SRGAP3: variants seen among roughly 807,000 people sequenced by gnomAD.
SRGAP3 encodes SLIT-ROBO Rho GTPase-activating protein 3.
In SRGAP3, 39 loss-of-function variants were observed where a neutral mutation model predicts 121.1. The observed-to-expected ratio is 0.32, with a 90% CI of 0.25 to 0.42. The LOEUF is 0.42. SRGAP3 is among the 10% of genes least tolerant of loss of function. SRGAP3 has a pLI of 1.00. For missense variants in SRGAP3, 1,213 were observed against 1,470.6 expected, an observed-to-expected ratio of 0.82 and a Z score of 2.86; for synonymous variants, 601 against 570.0, an observed-to-expected ratio of 1.05 and a Z score of -0.77.
intron 1 of SRGAP3, among the ~76,000 whole-genome samples, chr3:9,178,134 G>A (rs1444564214): frequency 1.3e-5 from 2 of 152,290 alleles, no homozygotes; most frequent in East Asian, 3.9e-4. Context: ...AGGGCATGGT[G>A]GCGCATGCCT....
intron 3 of SRGAP3, among the ~76,000 whole-genome samples, chr3:9,318,493 G>A (rs1955385126): frequency 6.6e-6 from 1 of 151,766 alleles, no homozygotes; most frequent in Non-Finnish European, 1.5e-5. Context: ...GCTAGTCTGA[G>A]GGGGACTCTC....
At chr3:9,113,505 T>G (rs555669913) in intron 2 of SRGAP3, among the ~76,000 whole-genome samples, 1 of 152,170 alleles carries the variant, frequency 6.6e-6, no homozygotes, top group African/African-American at 2.4e-5. Flanking sequence ...ATCTGATTAC[T>G]TCTATAAAGA....
chr3:9,303,944 C>G (rs547348516), intron 3 of SRGAP3, among the ~76,000 whole-genome samples: 1 of 152,210 alleles, frequency 6.6e-6, no homozygotes, highest in East Asian at 1.9e-4. Flanking sequence ...TTGAGTGAGA[C>G]TTGAGTAAGT....
chr3:9,043,027 C>T (rs1287115376), intron 10 of SRGAP3, among the ~76,000 whole-genome samples: 1 of 152,112 alleles, frequency 6.6e-6, no homozygotes, highest in East Asian at 1.9e-4. Flanking sequence ...AGCAACTCCC[C>T]TAGGAAGCCT....
intron 3 of SRGAP3, among the ~76,000 whole-genome samples, chr3:9,286,599 CGTT>C (rs973875982): frequency 3.3e-5 from 5 of 151,888 alleles, no homozygotes; most frequent in South Asian, 2.1e-4. Context: ...TTGTTTTTGT[CGTT>C]GTTGTTGTTG....
chr3:9,007,497 G>C (rs1943138440), intron 18 of SRGAP3: 1 of 152,162 alleles, frequency 6.6e-6, no homozygotes, highest in African/African-American at 2.4e-5. Flanking sequence ...GAGGAAACAG[G>C]TAAACAAATC....
At chr3:9,133,413 G>T (rs1949532342) in intron 1 of SRGAP3, among the ~76,000 whole-genome samples, 1 of 152,180 alleles carries the variant, frequency 6.6e-6, no homozygotes, top group Non-Finnish European at 1.5e-5. Flanking sequence ...GAATCTGGGA[G>T]GTGGAGGTTG....
intron 10 of SRGAP3, among the ~76,000 whole-genome samples, chr3:9,040,313 G>C (rs927902584): frequency 2.0e-5 from 3 of 152,146 alleles, no homozygotes; most frequent in African/African-American, 7.2e-5. Flanking sequence ...ACCCTTTGAG[G>C]TCAGAGTAGA....
Position 9,345,481 on chromosome 3 carries a change from C to CA in SRGAP3, n.215-14886dup, listed in dbSNP as rs539784490. Among the ~76,000 whole-genome samples, 676 of 142,718 alleles carry CA rather than the reference C, an allele frequency of 4.7e-3. 1 individual carries two copies. The highest frequency in any genetic ancestry group is 0.014 in the African/African-American group (537 of 38,820). 93.6% of individuals were successfully genotyped at this position (142,718 alleles called of 152,430 possible). ...TGGGTAACAGAGCAAGACCCCATCT[C>CA]AAAAAAAAAAGAAAAAAGAGGCCAG... is the stretch of plus-strand genomic sequence containing the variant. On this transcript the variant is annotated intron_variant and non_coding_transcript_variant, in intron 1 of 3. Coordinates refer to the SRGAP3 transcript ENST00000490889.
At chr3:9,118,838 G>T (rs1948900331) in intron 2 of SRGAP3, among the ~76,000 whole-genome samples, 1 of 152,138 alleles carries the variant, frequency 6.6e-6, no homozygotes, top group African/African-American at 2.4e-5. Flanking sequence ...TGTCCTTTCA[G>T]CAATACAGGA....
intron 1 of SRGAP3, among the ~76,000 whole-genome samples, chr3:9,358,073 C>T (rs2030614139): frequency 1.3e-5 from 2 of 152,102 alleles, no homozygotes; most frequent in Non-Finnish European, 1.5e-5. Context: ...CGGGCTTTCA[C>T]CATGTTGGCC....
In SRGAP3 at chr3:9,191,477, A is replaced by G. The variant is rs545279005; in HGVS notation, c.67+57408T>C. 8.3e-4 allele frequency among the ~76,000 whole-genome samples: 127 copies of G among 152,336 alleles called. 2 individuals carry two copies. The South Asian group carries it at 0.013, about 15-fold the overall frequency. ...TCCACAAATTACGGCACGCATTGAC[A>G]GTGCCTATGTACATGGGAAGGAGGA... On this transcript the variant is annotated intron_variant, in intron 1 of 21. Coordinates refer to ENST00000383836, the MANE Select transcript of SRGAP3 (RefSeq NM_014850.4).
At chr3:9,243,634 T>TAAAA (rs34944051) in intron 1 of SRGAP3, among the ~76,000 whole-genome samples, 13 of 137,166 alleles carry the variant, frequency 9.5e-5, no homozygotes, top group African/African-American at 3.2e-4. Context: ...GACTCTGTCT[T>TAAAA]AAAAAAAAAA....
chr3:9,169,672 A>G (rs986119), intron 1 of SRGAP3, among the ~76,000 whole-genome samples: 1 of 152,112 alleles, frequency 6.6e-6, no homozygotes, highest in East Asian at 1.9e-4. Flanking sequence ...CTTGGCATCA[A>G]TTAGGCCAAC....
At chr3:9,238,595 C>A (rs540528216) in intron 1 of SRGAP3, among the ~76,000 whole-genome samples, 2 of 152,142 alleles carry the variant, frequency 1.3e-5, no homozygotes, top group African/African-American at 2.4e-5. Context: ...AGAAAAAAAT[C>A]TGCACCCTGC....
intron 4 of SRGAP3, among the ~76,000 whole-genome samples, chr3:9,066,404 G>A (rs1176971836): frequency 6.6e-6 from 1 of 152,226 alleles, no homozygotes; most frequent in African/African-American, 2.4e-5. Context: ...CTGTAAGTCA[G>A]AGAACTCAGA....
Position 9,045,306 on chromosome 3 carries a change from G to A in SRGAP3, c.1408+2085C>T, listed in dbSNP as rs565669321. On this transcript the variant is annotated intron_variant, in intron 10 of 21. Transcript: ENST00000383836. ...CCAGCTTACTGAAACACAGGATTAC[G>A]GAGACTCTTCCAGTTGGCTTTTTCT... is the stretch of plus-strand genomic sequence containing the variant. Among the ~76,000 whole-genome samples, 31 of 152,076 alleles carry A rather than the reference G, an allele frequency of 2.0e-4. 1 individual carries two copies. The highest frequency in any genetic ancestry group is 1.8e-3 in the Admixed American group (28 of 15,288).
At chr3:9,336,279 T>G (rs1444804984) in intron 1 of SRGAP3, among the ~76,000 whole-genome samples, 18 of 151,956 alleles carry the variant, frequency 1.2e-4, no homozygotes, top group Non-Finnish European at 4.4e-5. Flanking sequence ...TTCAGTGGTG[T>G]GATCATAGCT....
intron 1 of SRGAP3, among the ~76,000 whole-genome samples, chr3:9,207,479 T>C (rs771041143): frequency 6.6e-6 from 1 of 152,186 alleles, no homozygotes; most frequent in Non-Finnish European, 1.5e-5. Flanking sequence ...TGATCATCTA[T>C]GTATTATAGA....
Sources: gnomAD v4.1 joint callset for allele counts (sites outside exome capture counted in the v4.1 genomes callset) on GRCh38, gnomAD v4.1.1 for gene constraint, MANE v1.5 for transcripts, NCBI Gene and HGNC (gene_info 2026-07-23, HGNC 2026-07-21) for gene names.